MARCHF1: variants seen among roughly 807,000 people sequenced by gnomAD.
MARCHF1 encodes the protein E3 ubiquitin-protein ligase MARCHF1.
MARCHF1 carries 40 observed loss-of-function variants against 54.2 expected under a neutral mutation model. The ratio of observed to expected loss-of-function variants is 0.74; its 90% CI spans 0.57 to 0.96. The LOEUF (loss-of-function observed/expected upper bound fraction) is 0.96. Ranked by LOEUF, MARCHF1 falls within the 40% of genes least tolerant of loss-of-function variation. The probability of loss-of-function intolerance (pLI) is 0.00; values close to 1 mark genes in which losing one functional copy is unlikely to be tolerated. For missense variants in MARCHF1, 586 were observed against 656.5 expected, an observed-to-expected ratio of 0.89 and a Z score of 1.17; for synonymous variants, 236 against 236.3, an observed-to-expected ratio of 1.00 and a Z score of 0.01.
intron 9 of MARCHF1, among the ~76,000 whole-genome samples, chr4:163,538,140 C>T (rs1053073347): frequency 2.0e-5 from 3 of 152,014 alleles, no homozygotes; most frequent in Non-Finnish European, 2.9e-5. Context: ...ATTTAAAGAG[C>T]GAGTGAAAAC....
intron 1 of MARCHF1, among the ~76,000 whole-genome samples, chr4:164,148,931 C>T (rs984526868): frequency 2.6e-5 from 4 of 152,114 alleles, no homozygotes; most frequent in Non-Finnish European, 4.4e-5. Context: ...GCTCTGTCCC[C>T]TCCAAATCTC....
chr4:163,936,285 A>G (rs1462376782), intron 3 of MARCHF1, among the ~76,000 whole-genome samples: 2 of 152,192 alleles, frequency 1.3e-5, no homozygotes, highest in Admixed American at 6.5e-5. Context: ...TGTAACAGAG[A>G]CTTGAAGTGA....
intron 1 of MARCHF1, among the ~76,000 whole-genome samples, chr4:164,378,212 C>A (rs1289180870): frequency 6.6e-6 from 1 of 152,158 alleles, no homozygotes; most frequent in African/African-American, 2.4e-5. Context: ...CAGTGAGAGA[C>A]TAAGAATACG....
intron 1 of MARCHF1, among the ~76,000 whole-genome samples, chr4:164,176,216 T>G (rs1271025503): frequency 1.3e-5 from 2 of 152,170 alleles, no homozygotes; most frequent in Admixed American, 1.3e-4. Context: ...CTAAATACAG[T>G]CACTGTGACA....
At chr4:163,707,715 C>G (rs1297219515) in intron 4 of MARCHF1, among the ~76,000 whole-genome samples, 1 of 148,040 alleles carries the variant, frequency 6.8e-6, no homozygotes, top group East Asian at 2.0e-4. Flanking sequence ...GAATCTCTCC[C>G]AGAGAAATAC....
intron 1 of MARCHF1, among the ~76,000 whole-genome samples, chr4:164,315,173 A>C (rs2111442806): frequency 6.6e-6 from 1 of 150,604 alleles, no homozygotes; most frequent in South Asian, 2.1e-4. Context: ...CAAGTGAACA[A>C]TGCAAATAAG....
intron 1 of MARCHF1, among the ~76,000 whole-genome samples, chr4:164,202,991 G>GA (rs202152603): frequency 1.3e-5 from 2 of 151,740 alleles, no homozygotes. Flanking sequence ...GAGAAAGGGA[G>GA]AAAGAGAGAG....
chr4:164,205,636 C>A (rs1560953456), intron 1 of MARCHF1, among the ~76,000 whole-genome samples: 3 of 151,866 alleles, frequency 2.0e-5, no homozygotes, highest in Middle Eastern at 3.4e-3. Flanking sequence ...GATGTAATTT[C>A]TGTTTGTTTT....
chr4:163,866,669 A>G (rs1750059897), intron 3 of MARCHF1, among the ~76,000 whole-genome samples: 1 of 151,664 alleles, frequency 6.6e-6, no homozygotes, highest in Non-Finnish European at 1.5e-5. Flanking sequence ...AGAAGCCCAG[A>G]GGTCCCCATG....
chr4:164,036,789 T>C (rs1754015549), intron 2 of MARCHF1, among the ~76,000 whole-genome samples: 1 of 151,966 alleles, frequency 6.6e-6, no homozygotes, highest in Non-Finnish European at 1.5e-5. Flanking sequence ...AAAAGGCCGT[T>C]GGTGAGAATA....
intron 3 of MARCHF1, among the ~76,000 whole-genome samples, chr4:163,969,896 T>C (rs1279270205): frequency 6.6e-6 from 1 of 152,150 alleles, no homozygotes; most frequent in Non-Finnish European, 1.5e-5. Flanking sequence ...CAAAATGATC[T>C]AAAGTGTGGA....
chr4:164,166,540 T>C (rs1021845045), intron 1 of MARCHF1, among the ~76,000 whole-genome samples: 1 of 151,910 alleles, frequency 6.6e-6, no homozygotes, highest in Non-Finnish European at 1.5e-5. Flanking sequence ...CAATTAACAT[T>C]ATAATCAGTG....
chr4:163,755,819 C>A (rs750956636), intron 4 of MARCHF1, among the ~76,000 whole-genome samples: 1 of 152,102 alleles, frequency 6.6e-6, no homozygotes, highest in Non-Finnish European at 1.5e-5. Flanking sequence ...AATGAGAGAT[C>A]CCCTGGAACA....
chr4:163,661,347 G>A (rs1743336903), intron 5 of MARCHF1, among the ~76,000 whole-genome samples: 1 of 151,764 alleles, frequency 6.6e-6, no homozygotes, highest in Admixed American at 6.6e-5. Context: ...GTTTTTCATA[G>A]TACTTTCCTC....
At chr4:164,226,721 T>C (rs1471550485) in intron 1 of MARCHF1, among the ~76,000 whole-genome samples, 2 of 152,054 alleles carry the variant, frequency 1.3e-5, no homozygotes, top group East Asian at 3.9e-4. Flanking sequence ...AGAGTACAGA[T>C]ACATTGCAAA....
At chr4:164,075,527 A>G (rs960140664) in intron 2 of MARCHF1, among the ~76,000 whole-genome samples, 1 of 152,240 alleles carries the variant, frequency 6.6e-6, no homozygotes, top group Non-Finnish European at 1.5e-5. Flanking sequence ...AGCTGAGGCC[A>G]TCCTCACCTG....
chr4:164,261,236 T>G (rs1197397207), intron 1 of MARCHF1, among the ~76,000 whole-genome samples: 1 of 152,142 alleles, frequency 6.6e-6, no homozygotes, highest in Non-Finnish European at 1.5e-5. Flanking sequence ...TAAATTTCTG[T>G]TGCTTAAGTT....
At chr4:164,215,962 T>C (rs764711795) in intron 1 of MARCHF1, among the ~76,000 whole-genome samples, 2 of 152,142 alleles carry the variant, frequency 1.3e-5, no homozygotes, top group Non-Finnish European at 2.9e-5. Context: ...GAATATACAA[T>C]GAAAAAAGTA....
intron 1 of MARCHF1, among the ~76,000 whole-genome samples, chr4:164,281,688 G>A (rs1178308122): frequency 6.6e-6 from 1 of 152,126 alleles, no homozygotes; most frequent in Non-Finnish European, 1.5e-5. Context: ...GGGTCTTGAA[G>A]AACCTGAATA....
Sources: allele counts gnomAD v4.1 joint callset (sites outside exome capture counted in the v4.1 genomes callset), GRCh38; gene constraint gnomAD v4.1.1; transcripts MANE v1.5; gene names NCBI Gene and HGNC (gene_info 2026-07-23, HGNC 2026-07-21).